The following CCSER1 variants were observed in gnomAD, a reference collection of about 807,000 sequenced individuals.
CCSER1 encodes coiled-coil serine rich protein 1.
Under a neutral mutation model 82.0 loss-of-function variants are expected in CCSER1, and 41 were observed. That is an observed-to-expected ratio of 0.50 (90% CI 0.39 to 0.65). The LOEUF is 0.65. Among genes scored for constraint, CCSER1 ranks in the 30% least tolerant of loss-of-function variants. The pLI is 0.00. For synonymous variants in CCSER1, 414 were observed against 383.9 expected, an observed-to-expected ratio of 1.08 and a Z score of -0.92; for missense variants, 1,119 against 1,064.2, an observed-to-expected ratio of 1.05 and a Z score of -0.72.
chr4:90,608,452 A>T (rs1785021644), intron 5 of CCSER1, among the ~76,000 whole-genome samples: 1 of 152,150 alleles, frequency 6.6e-6, no homozygotes. Flanking sequence ...TAACTCAAAG[A>T]CAACCAATTA....
intron 5 of CCSER1, among the ~76,000 whole-genome samples, chr4:90,599,314 C>T (rs994924532): frequency 5.9e-5 from 9 of 152,010 alleles, no homozygotes; most frequent in Non-Finnish European, 1.3e-4. Context: ...GGAGTTCTCA[C>T]GAGAGCTGAT....
At chr4:91,468,367 G>GGGAGA (rs1757057395) in intron 10 of CCSER1, among the ~76,000 whole-genome samples, 1 of 152,056 alleles carries the variant, frequency 6.6e-6, no homozygotes, top group African/African-American at 2.4e-5. Flanking sequence ...GTGCAGGGAG[G>GGGAGA]GGAGAGGGAT....
intron 10 of CCSER1, among the ~76,000 whole-genome samples, chr4:91,531,686 T>C (rs114484628): frequency 8.1e-4 from 123 of 152,270 alleles, no homozygotes; most frequent in African/African-American, 2.9e-3. Context: ...ATCAAAACAA[T>C]TCAATGTTGG....
chr4:90,344,951 C>G (rs887448266), intron 3 of CCSER1, among the ~76,000 whole-genome samples: 2 of 151,956 alleles, frequency 1.3e-5, no homozygotes, highest in Admixed American at 1.3e-4. Flanking sequence ...ATTCAATTTC[C>G]TCGTAACATT....
At chr4:91,506,555 T>C (rs1257655579) in intron 10 of CCSER1, among the ~76,000 whole-genome samples, 1 of 152,174 alleles carries the variant, frequency 6.6e-6, no homozygotes, top group Non-Finnish European at 1.5e-5. Context: ...ATGTTGATTC[T>C]TCCTATCCAT....
intron 10 of CCSER1, among the ~76,000 whole-genome samples, chr4:91,120,996 C>G (rs1211607914): frequency 6.6e-6 from 1 of 151,802 alleles, no homozygotes; most frequent in East Asian, 1.9e-4. Context: ...GCTTTCTATT[C>G]TGATTTGGAA....
In CCSER1 at chr4:91,040,750, A is replaced by G. The variant is rs116759602; in HGVS notation, c.2173-45200A>G. Among the ~76,000 whole-genome samples the G allele has an allele frequency of 8.4e-3, 1,283 of 152,326 alleles. 20 individuals carry two copies. Among genetic ancestry groups the G allele is most frequent in the African/African-American group, 0.03 (1,237 of 41,576 alleles). On this transcript the variant is annotated intron_variant, in intron 9 of 10. Coordinates refer to ENST00000509176, the MANE Select transcript of CCSER1 (RefSeq NM_001145065.2). ...TGATTTACTGTCCTGGGAGAAACAG[A>G]TAATTCACAGAAGGACATAAAACAA...
intron 10 of CCSER1, among the ~76,000 whole-genome samples, chr4:91,375,706 C>T (rs938217056): frequency 7.9e-5 from 12 of 152,042 alleles, no homozygotes; most frequent in Admixed American, 1.3e-4. Flanking sequence ...AACACCTTTA[C>T]ATTTGTGTTT....
chr4:91,440,081 C>A (rs566119985), intron 10 of CCSER1, among the ~76,000 whole-genome samples: 71 of 151,918 alleles, frequency 4.7e-4, no homozygotes, highest in African/African-American at 1.7e-3. Flanking sequence ...ACAAGGATAC[C>A]CAGGAATTGA....
chr4:90,733,294 G>A (rs191983189), intron 7 of CCSER1, among the ~76,000 whole-genome samples: 26 of 152,250 alleles, frequency 1.7e-4, no homozygotes, highest in Admixed American at 7.9e-4. Context: ...GTGATGTTGA[G>A]CACCTTTTGA....
At chr4:90,320,434 C>T (rs926092970) in intron 3 of CCSER1, among the ~76,000 whole-genome samples, 2 of 152,074 alleles carry the variant, frequency 1.3e-5, no homozygotes, top group Non-Finnish European at 2.9e-5. Flanking sequence ...GAAGGCCATA[C>T]CAATTATGAC....
At chr4:91,316,526 T>C (rs1745847289) in intron 10 of CCSER1, among the ~76,000 whole-genome samples, 1 of 152,052 alleles carries the variant, frequency 6.6e-6, no homozygotes, top group African/African-American at 2.4e-5. Context: ...TAAAGTAGGA[T>C]ATACAATGTT....
chr4:91,597,569 CA>C (rs756003876), intron 10 of CCSER1, among the ~76,000 whole-genome samples: 1 of 152,004 alleles, frequency 6.6e-6, no homozygotes, highest in Non-Finnish European at 1.5e-5. Context: ...AGTTGAGAAT[CA>C]AGTTTTATTT....
chr4:91,254,293 A>G (rs1161521183), intron 10 of CCSER1, among the ~76,000 whole-genome samples: 2 of 152,210 alleles, frequency 1.3e-5, no homozygotes, highest in Non-Finnish European at 2.9e-5. Context: ...TTTCCAAGAT[A>G]GACTACAAAT....
intron 10 of CCSER1, among the ~76,000 whole-genome samples, chr4:91,144,031 G>C (rs1002541290): frequency 1.3e-5 from 2 of 151,740 alleles, no homozygotes; most frequent in African/African-American, 2.4e-5. Context: ...GGTTTTTTTG[G>C]AATAGTCTCA....
chr4:90,727,073 G>A (rs532972860), intron 7 of CCSER1: 10 of 345,266 alleles, frequency 2.9e-5, no homozygotes, highest in African/African-American at 8.5e-5. Flanking sequence ...GAGTTTCTAG[G>A]ATGCTTGGTT....
intron 3 of CCSER1, among the ~76,000 whole-genome samples, chr4:90,366,280 GATGTTAGT>G (rs1235797436): frequency 6.7e-6 from 1 of 149,472 alleles, no homozygotes; most frequent in Non-Finnish European, 1.5e-5. Flanking sequence ...TGAAGACAAA[GATGTTAGT>G]ATCTTAATCA....
intron 10 of CCSER1, among the ~76,000 whole-genome samples, chr4:91,155,136 A>G (rs1730684279): frequency 6.6e-6 from 1 of 151,880 alleles, no homozygotes. Context: ...CTATTTGGAA[A>G]TGTGATATGG....
chr4:90,820,836 G>A (rs990847347), intron 8 of CCSER1, among the ~76,000 whole-genome samples: 32 of 151,802 alleles, frequency 2.1e-4, no homozygotes, highest in African/African-American at 5.6e-4. Flanking sequence ...TGTGAAAAAC[G>A]TATATTGTAT....
Sources: allele counts gnomAD v4.1 joint callset (sites outside exome capture counted in the v4.1 genomes callset), GRCh38; gene constraint gnomAD v4.1.1; transcripts MANE v1.5; gene names NCBI Gene and HGNC (gene_info 2026-07-23, HGNC 2026-07-21).